Variants in CTNNA3 observed in about 807,000 individuals in gnomAD.
The protein encoded by CTNNA3 is catenin alpha-3.
CTNNA3 carries 76 observed loss-of-function variants against 95.7 expected under a neutral mutation model. That is an observed-to-expected ratio of 0.79 (90% CI 0.66 to 0.96). The LOEUF (loss-of-function observed/expected upper bound fraction) is 0.96, where lower values mean the gene tolerates loss of function less well. Ranked by LOEUF, CTNNA3 falls within the 40% of genes least tolerant of loss-of-function variation. The pLI is 0.00. For missense variants in CTNNA3, 1,191 were observed against 1,089.8 expected (o/e 1.09, Z -1.31); for synonymous variants, 431 against 374.4 (o/e 1.15, Z -1.74).
chr10:66,108,429 GA>G (rs1308540959), intron 13 of CTNNA3, among the ~76,000 whole-genome samples: 1 of 151,988 alleles, frequency 6.6e-6, no homozygotes, highest in African/African-American at 2.4e-5. Flanking sequence ...CCTTCTTGCA[GA>G]CTGGATCCTT....
At chr10:67,554,851 T>A (rs538786657) in intron 3 of CTNNA3, among the ~76,000 whole-genome samples, 51 of 152,340 alleles carry the variant, frequency 3.3e-4, no homozygotes, top group African/African-American at 9.9e-4. Flanking sequence ...CTGAATGGTG[T>A]TGCCTAGGTT....
intron 4 of CTNNA3, among the ~76,000 whole-genome samples, chr10:67,530,714 G>A (rs1840298695): frequency 6.6e-6 from 1 of 152,194 alleles, no homozygotes; most frequent in Non-Finnish European, 1.5e-5. Context: ...CATAAGTAAT[G>A]AGGAGCCAAA....
intron 9 of CTNNA3, among the ~76,000 whole-genome samples, chr10:66,706,875 G>A (rs1177073319): frequency 6.6e-6 from 1 of 151,946 alleles, no homozygotes; most frequent in East Asian, 1.9e-4. Context: ...GAGTGTTTCG[G>A]TAGAATAAAG....
At chr10:67,751,174 C>G in intron 1 of CTNNA3, 1 of 1,269,444 alleles carries the variant, frequency 7.9e-7, no homozygotes, top group Non-Finnish European at 1.2e-6. Flanking sequence ...AACTGGAGGG[C>G]CCGTAACATG....
intron 10 of CTNNA3, among the ~76,000 whole-genome samples, chr10:66,605,767 G>A (rs74428338): frequency 0.022 from 3,405 of 152,212 alleles, 151 homozygotes; most frequent in African/African-American, 0.077. Context: ...CTGATGGAAT[G>A]TGTTGCCACC....
At chr10:67,108,587 T>C (rs1231379280) in intron 7 of CTNNA3, among the ~76,000 whole-genome samples, 1 of 152,226 alleles carries the variant, frequency 6.6e-6, no homozygotes, top group Non-Finnish European at 1.5e-5. Flanking sequence ...TTTCTAAAAA[T>C]GAAGTCTGTA....
At chr10:66,516,706 C>G (rs1425973988) in intron 11 of CTNNA3, among the ~76,000 whole-genome samples, 1 of 152,122 alleles carries the variant, frequency 6.6e-6, no homozygotes, top group Non-Finnish European at 1.5e-5. Context: ...TTTCTTTTGC[C>G]GGTAATTGGC....
intron 11 of CTNNA3, among the ~76,000 whole-genome samples, chr10:66,496,959 A>G (rs1304164657): frequency 1.3e-5 from 2 of 152,094 alleles, no homozygotes; most frequent in Non-Finnish European, 2.9e-5. Flanking sequence ...ACAGATGGCT[A>G]TCTTCTCCCT....
At position 67,658,355 on chromosome 10, in the gene CTNNA3, G is replaced by A. The variant is rs535464060; in HGVS notation, c.-5-10837C>T. Among the ~76,000 whole-genome samples the A allele has an allele frequency of 2.0e-5, 3 of 152,228 alleles. No homozygotes were observed. The South Asian group carries it at 6.2e-4, about 32-fold the overall frequency. On this transcript the variant is annotated intron_variant, in intron 1 of 17. Coordinates refer to ENST00000433211, the MANE Select transcript of CTNNA3 (RefSeq NM_013266.4). ...CCTGGCAGGGGCTCAACAAACATTAGTTGATATCATTATCCCCTTTTAAGT... is the reference window on the plus strand; with the variant it reads ...CCTGGCAGGGGCTCAACAAACATTAATTGATATCATTATCCCCTTTTAAGT...
Position 66,038,681 on chromosome 10 carries a change from A to G in CTNNA3, c.2159+30627T>C, listed in dbSNP as rs565952588. On this transcript the variant is annotated intron_variant, in intron 15 of 17. Coordinates refer to ENST00000433211, the MANE Select transcript of CTNNA3 (RefSeq NM_013266.4). ...AGCACACTTTAAAAAAATGCAAATT[A>G]TCATTATTGTTGGAAGACCACTTGA... 1.9e-4 allele frequency among the ~76,000 whole-genome samples: 29 copies of G among 152,342 alleles called. No homozygotes were observed. The South Asian group carries it at 5.8e-3, about 30-fold the overall frequency.
intron 10 of CTNNA3, among the ~76,000 whole-genome samples, chr10:66,543,874 C>A (rs1439309336): frequency 1.4e-5 from 2 of 138,620 alleles, no homozygotes; most frequent in African/African-American, 2.7e-5. Flanking sequence ...TTTGCTTTTT[C>A]TGAATTTAGC....
intron 7 of CTNNA3, among the ~76,000 whole-genome samples, chr10:67,087,804 T>C (rs1037944883): frequency 2.0e-5 from 3 of 152,066 alleles, no homozygotes; most frequent in Non-Finnish European, 4.4e-5. Context: ...TGTGATTTCT[T>C]CTCAGACTAT....
intron 1 of CTNNA3, among the ~76,000 whole-genome samples, chr10:67,650,193 C>T (rs559087602): frequency 8.5e-5 from 13 of 152,266 alleles, no homozygotes; most frequent in Non-Finnish European, 1.5e-4. Context: ...ACCTCCCAAA[C>T]GATTCAAGAA....
At position 66,594,727 on chromosome 10, in the gene CTNNA3, T is replaced by C. The variant is rs569950544; in HGVS notation, c.1374+26965A>G. On this transcript the variant is annotated intron_variant, in intron 10 of 17. Coordinates refer to ENST00000433211, the MANE Select transcript of CTNNA3 (RefSeq NM_013266.4). Reference sequence around the variant, plus strand: ...TTCATAATTTATCTGATTTTCCTGATATGGTAGCATGTAGTATGGTAGGCA... The same window carrying C: ...TTCATAATTTATCTGATTTTCCTGACATGGTAGCATGTAGTATGGTAGGCA... Among the ~76,000 whole-genome samples, 5 of 152,296 alleles carry C rather than the reference T, an allele frequency of 3.3e-5. No individual in the cohort carries two copies. The East Asian group carries it at 7.7e-4, about 23-fold the overall frequency.
intron 6 of CTNNA3, among the ~76,000 whole-genome samples, chr10:67,203,983 T>C (rs1200602135): frequency 1.3e-5 from 2 of 152,184 alleles, no homozygotes; most frequent in Admixed American, 6.5e-5. Context: ...TTGTGACTGC[T>C]GGAATATGGC....
At position 65,917,009 on chromosome 10, in the gene CTNNA3, C is replaced by T. The variant is rs1011735983; in HGVS notation, c.*3321G>A. The T allele has an allele frequency of 3.9e-5, 6 of 152,046 alleles. No individual in the cohort carries two copies. Among genetic ancestry groups the T allele is most frequent in the East Asian group, 3.9e-4 (2 of 5,188 alleles). The allele number at this position is 152,046 out of a possible 1,614,324, so 9.4% of individuals were successfully genotyped here. A position where few individuals can be genotyped will look rare whatever the true frequency, so the allele number is the denominator to read the frequency against. On this transcript the variant is annotated 3_prime_UTR_variant, in exon 18 of 18. Transcript: ENST00000433211. ...CACAATTTTAGCTTGAAATTGAAAC[C>T]GACTGCCTTTGAAGCTAAAGGTGTT...
chr10:67,458,233 A>G (rs1466510315), intron 5 of CTNNA3, among the ~76,000 whole-genome samples: 1 of 152,052 alleles, frequency 6.6e-6, no homozygotes. Context: ...TGACCCAATT[A>G]ACCAGTTACA....
At chr10:66,742,793 G>A (rs1464884562) in intron 9 of CTNNA3, among the ~76,000 whole-genome samples, 2 of 152,074 alleles carry the variant, frequency 1.3e-5, no homozygotes, top group African/African-American at 4.8e-5. Context: ...TCCTCTTCTG[G>A]TGTTCTCAAT....
chr10:66,424,704 A>G (rs1397092535), intron 11 of CTNNA3, among the ~76,000 whole-genome samples: 1 of 152,130 alleles, frequency 6.6e-6, no homozygotes, highest in African/African-American at 2.4e-5. Context: ...GTTACATAAT[A>G]TGTAGTCAAC....
Sources: allele counts gnomAD v4.1 joint callset (sites outside exome capture counted in the v4.1 genomes callset), GRCh38; gene constraint gnomAD v4.1.1; transcripts MANE v1.5; gene names NCBI Gene and HGNC (gene_info 2026-07-23, HGNC 2026-07-21).